Variants in PSTPIP1 observed in about 807,000 individuals in gnomAD.
PSTPIP1 encodes the protein proline-serine-threonine phosphatase interacting protein 1.
PSTPIP1 carries 66 observed loss-of-function variants against 69.6 expected under a neutral mutation model. The ratio of observed to expected loss-of-function variants is 0.95; its 90% CI spans 0.78 to 1.16. PSTPIP1 has a LOEUF of 1.16. Ranked by LOEUF, PSTPIP1 falls within the 50% of genes most tolerant of loss-of-function variation. PSTPIP1 has a pLI of 0.00. For missense variants in PSTPIP1, 603 were observed against 557.4 expected (o/e 1.08, Z -0.82); for synonymous variants, 266 against 222.7 (o/e 1.19, Z -1.73).
At chr15:77,017,079 G>A (rs1046300537) in intron 1 of PSTPIP1, among the ~76,000 whole-genome samples, 1 of 152,136 alleles carries the variant, frequency 6.6e-6, no homozygotes, top group African/African-American at 2.4e-5. Context: ...CCTTGGTGCA[G>A]TTGGTGACAA....
intron 1 of PSTPIP1, among the ~76,000 whole-genome samples, chr15:77,009,637 G>A (rs1009707596): frequency 4.6e-5 from 7 of 152,150 alleles, no homozygotes; most frequent in Middle Eastern, 3.2e-3. Flanking sequence ...CCCGGTGAGC[G>A]TCAAATGCCC....
At chr15:77,036,972 A>C in intron 14 of PSTPIP1, 73 bp from the exon 15 acceptor site, 2 of 1,556,966 alleles carry the variant, frequency 1.3e-6, no homozygotes, top group Non-Finnish European at 1.7e-6. Flanking sequence ...GGGTGGGGGA[A>C]CGCCAGGCCC....
intron 1 of PSTPIP1, among the ~76,000 whole-genome samples, chr15:77,003,766 T>C (rs1023343134): frequency 3.9e-5 from 6 of 152,136 alleles, no homozygotes; most frequent in African/African-American, 1.4e-4. Flanking sequence ...TGAACCTCAG[T>C]TTCCTCATCT....
At chr15:77,031,810 G>A (rs1596125390) in intron 10 of PSTPIP1, 5 of 175,640 alleles carry the variant, frequency 2.8e-5, no homozygotes, top group Admixed American at 2.3e-4. Context: ...CGGCTCTCCC[G>A]GGCAGCCCTG....
intron 1 of PSTPIP1, 84 bp from the exon 2 acceptor site, chr15:77,018,064 A>T: frequency 7.3e-7 from 1 of 1,376,590 alleles, no homozygotes; most frequent in Non-Finnish European, 1.0e-6. Context: ...GGCTGTTCCC[A>T]GAGATGGTGG....
rs1568511613 is a variant in PSTPIP1, at chr15:77,027,549, T to C, written c.355-303T>C. Among the ~76,000 whole-genome samples, 1 of 152,290 alleles carries C rather than the reference T, an allele frequency of 6.6e-6. No homozygotes were observed. Among genetic ancestry groups the C allele is most frequent in the East Asian group, 1.9e-4 (1 of 5,170 alleles). On this transcript the variant is annotated intron_variant, in intron 5 of 14. Coordinates refer to ENST00000558012, the MANE Select transcript of PSTPIP1 (RefSeq NM_003978.5). This position sits in a 1 kb window ranked among gnomAD's most constrained non-coding sequence, Gnocchi z 4.3. ...TGTGATGCCTGCAGAGGCTCAGGGA[T>C]GCAGGATGAACGACTGTGTGCGCAC...
At chr15:77,036,594 G>C (rs959621520) in intron 14 of PSTPIP1, among the ~76,000 whole-genome samples, 1 of 152,148 alleles carries the variant, frequency 6.6e-6, no homozygotes, top group African/African-American at 2.4e-5. Context: ...AGGCAGGCTG[G>C]GTGTGGACTC....
chr15:77,034,928 G>A (rs548153404), intron 12 of PSTPIP1, among the ~76,000 whole-genome samples: 5 of 152,356 alleles, frequency 3.3e-5, no homozygotes, highest in East Asian at 1.9e-4. Flanking sequence ...GTAGCCCAGC[G>A]CTGTCCCGGA....
chr15:77,003,170 C>G (rs2075745527), intron 1 of PSTPIP1, among the ~76,000 whole-genome samples: 1 of 152,184 alleles, frequency 6.6e-6, no homozygotes, highest in African/African-American at 2.4e-5. Flanking sequence ...AGGACAGAGG[C>G]TGCGGGCTGT....
intron 1 of PSTPIP1, among the ~76,000 whole-genome samples, chr15:77,016,660 G>A (rs1448801784): frequency 6.6e-6 from 1 of 151,866 alleles, no homozygotes; most frequent in Non-Finnish European, 1.5e-5. Context: ...TACAGGCCAG[G>A]AGAGTCCACC....
At chr15:77,003,983 A>G (rs1433843128) in intron 1 of PSTPIP1, among the ~76,000 whole-genome samples, 2 of 152,200 alleles carry the variant, frequency 1.3e-5, no homozygotes, top group East Asian at 1.9e-4. Context: ...TCCTCCAATC[A>G]TGTTCACCAT....
intron 3 of PSTPIP1, among the ~76,000 whole-genome samples, chr15:77,019,647 A>G (rs999908968): frequency 6.6e-6 from 1 of 152,206 alleles, no homozygotes; most frequent in Non-Finnish European, 1.5e-5. Context: ...ACTGTGGGCC[A>G]GTCGCCTAGC....
Position 77,025,366 on chromosome 15 carries a change from T to C in PSTPIP1, c.247+48T>C, listed in dbSNP as rs574421832. The C allele has an allele frequency of 1.2e-4, 189 of 1,585,336 alleles. 4 individuals carry two copies. The South Asian group carries it at 2.0e-3, about 17-fold the overall frequency. ...ATGGGATCTTTTGGGACTGCGAGGC[T>C]GGTGGAGGGTTTGGGGGGACAGAAG... On this transcript the variant is annotated intron_variant, in intron 4 of 14. Transcript: ENST00000558012.
intron 1 of PSTPIP1, among the ~76,000 whole-genome samples, chr15:77,011,905 T>A (rs2075942532): frequency 6.6e-6 from 1 of 152,152 alleles, no homozygotes; most frequent in African/African-American, 2.4e-5. Context: ...TTGGCCTCCC[T>A]GTCTCTGCCC....
intron 1 of PSTPIP1, among the ~76,000 whole-genome samples, chr15:77,002,331 A>AGGAT (rs1453050213): frequency 6.6e-6 from 1 of 152,262 alleles, no homozygotes; most frequent in Non-Finnish European, 1.5e-5. Flanking sequence ...GTAGGATGAA[A>AGGAT]GGATGCTTCC....
At position 77,027,579 on chromosome 15, in the gene PSTPIP1, G is replaced by A. The variant is rs900586953; in HGVS notation, c.355-273G>A. On this transcript the variant is annotated intron_variant, in intron 5 of 14. Coordinates refer to ENST00000558012, the MANE Select transcript of PSTPIP1 (RefSeq NM_003978.5). The surrounding 1 kb of genome is among the most constrained non-coding windows in gnomAD (Gnocchi z 4.3). The stretch of plus-strand genomic sequence containing the variant: ...GATGAACGACTGTGTGCGCACGTGT[G>A]TTGGGGTGGGAACTCCCCAGCTGGA... 11 of 482,006 alleles carry A rather than the reference G, an allele frequency of 2.3e-5. No individual in the cohort carries two copies. Among genetic ancestry groups the A allele is most frequent in the Non-Finnish European group, 4.3e-5 (11 of 254,752 alleles). The allele number at this position is 482,006 out of a possible 1,614,324, so 29.9% of individuals were successfully genotyped here. A position where few individuals can be genotyped will look rare whatever the true frequency, so the allele number is the denominator to read the frequency against.
chr15:77,032,197 C>T, intron 10 of PSTPIP1, 101 bp from the exon 11 acceptor site: 1 of 1,197,676 alleles, frequency 8.3e-7, no homozygotes, highest in African/African-American at 1.5e-5. Flanking sequence ...CGCACAATGG[C>T]CTGTGAGGAG....
In PSTPIP1 at chr15:77,035,929, A is replaced by G; in HGVS notation, c.1113A>G (p.Thr371=). The stretch of plus-strand genomic sequence containing the variant: ...AGTACCGGGCGCTCTACGATTATAC[A>G]GCGCAGGTGAGGCCTCTATACCCCA... ...AQEYRALYDY[T]AQNPDELDLS... The change falls in exon 14 of 15, where the codon ACA becomes ACG. Residue 371 remains threonine (T), a synonymous_variant. Coordinates refer to ENST00000558012, the MANE Select transcript of PSTPIP1 (RefSeq NM_003978.5). 1.3e-6 allele frequency: 2 copies of G among 1,599,876 alleles called. No homozygotes were observed. The highest frequency in any genetic ancestry group is 1.1e-5 in the South Asian group (1 of 89,376).
At chr15:77,018,047 G>C in intron 1 of PSTPIP1, 101 bp from the exon 2 acceptor site, 1 of 1,204,726 alleles carries the variant, frequency 8.3e-7, no homozygotes, top group Non-Finnish European at 1.2e-6. Flanking sequence ...GATGGAGGCA[G>C]GAGGGAGGCT....
Sources: allele counts gnomAD v4.1 joint callset (sites outside exome capture counted in the v4.1 genomes callset), GRCh38; gene constraint gnomAD v4.1.1; non-coding constraint Gnocchi (gnomAD v3.1); transcripts MANE v1.5; gene names NCBI Gene and HGNC (gene_info 2026-07-23, HGNC 2026-07-21).